COL19A1: variants seen among roughly 807,000 people sequenced by gnomAD.
COL19A1 encodes the protein collagen alpha-1(XIX) chain.
Under a neutral mutation model 190.2 loss-of-function variants are expected in COL19A1, and 159 were observed. The observed-to-expected ratio is 0.84, with a 90% CI of 0.73 to 0.95. The LOEUF (loss-of-function observed/expected upper bound fraction) is 0.95, where lower values mean the gene tolerates loss of function less well. Among genes scored for constraint, COL19A1 ranks in the 40% least tolerant of loss-of-function variants. The pLI, the probability that COL19A1 is intolerant of heterozygous loss-of-function variation, is 0.00. For synonymous variants in COL19A1, 509 were observed against 458.9 expected, an observed-to-expected ratio of 1.11 and a Z score of -1.39; for missense variants, 1,418 against 1,431.9, an observed-to-expected ratio of 0.99 and a Z score of 0.16.
chr6:70,117,156 G>A (rs543496679), intron 16 of COL19A1, among the ~76,000 whole-genome samples: 90 of 152,296 alleles, frequency 5.9e-4, no homozygotes, highest in African/African-American at 2.1e-3. Context: ...TGCTAAAGCT[G>A]GATCAGAAGG....
intron 2 of COL19A1, among the ~76,000 whole-genome samples, chr6:69,881,582 G>A (rs756837216): frequency 2.6e-5 from 4 of 152,180 alleles, no homozygotes; most frequent in South Asian, 2.1e-4. Flanking sequence ...GTTACATGAT[G>A]TATAGGACTA....
chr6:69,921,293 T>TATATATC (rs1249461722), intron 4 of COL19A1, among the ~76,000 whole-genome samples: 9 of 131,278 alleles, frequency 6.9e-5, no homozygotes, highest in African/African-American at 1.4e-4. Context: ...TCATATATCA[T>TATATATC]ATATATCATA....
At chr6:70,185,005 T>A in intron 46 of COL19A1, 90 bp downstream of exon 46, 1 of 1,204,422 alleles carries the variant, frequency 8.3e-7, no homozygotes. Context: ...TGTAGACCCC[T>A]GCAAATCACC....
At chr6:69,921,631 C>T (rs997572984) in intron 4 of COL19A1, among the ~76,000 whole-genome samples, 4 of 142,378 alleles carry the variant, frequency 2.8e-5, no homozygotes, top group Non-Finnish European at 4.5e-5. Context: ...TATATAGATT[C>T]GTATATATTC....
Position 70,199,625 on chromosome 6 carries a change from C to G in COL19A1, c.3112C>G (p.Leu1038Val), listed in dbSNP as rs1767422164. 1 of 1,598,892 alleles carries G rather than the reference C, an allele frequency of 6.3e-7. No individual in the cohort carries two copies. Among genetic ancestry groups the G allele is most frequent in the Non-Finnish European group, 8.5e-7 (1 of 1,171,310 alleles). Residue 1038 changes from leucine to valine, a missense_variant, in exon 49 of 51, where the codon CTA (leucine) becomes GTA (valine). Transcript: ENST00000620364. ...ACATGAAGAGAGGATGGCTGTATTC[C>G]TATCCCAGCTCAAGCTGCCAGCAGC... The part of the protein sequence containing the change: ...RIFEERMAVF[L>V]SQLKLPAAML...
intron 27 of COL19A1, among the ~76,000 whole-genome samples, chr6:70,147,963 T>G (rs748967254): frequency 2.7e-4 from 41 of 152,140 alleles, no homozygotes; most frequent in Non-Finnish European, 5.4e-4. Flanking sequence ...AAGGATATGA[T>G]AAACGATACA....
chr6:70,207,382 T>C lies in COL19A1; in HGVS notation c.*108T>C. ...TGGGTTGCTTTTTTTTTTTTTTTTTTTTTTTGGGAGTAAGCCAGGCATTAA... is the reference window on the plus strand; with the variant it reads ...TGGGTTGCTTTTTTTTTTTTTTTTTCTTTTTGGGAGTAAGCCAGGCATTAA... On this transcript the variant is annotated 3_prime_UTR_variant, in exon 51 of 51. Transcript: ENST00000620364. 2.5e-6 allele frequency: 3 copies of C among 1,184,294 alleles called. No homozygotes were observed. Among genetic ancestry groups the C allele is most frequent in the Non-Finnish European group, 3.3e-6 (3 of 898,300 alleles). 73.4% of individuals were successfully genotyped at this position (1,184,294 alleles called of 1,614,324 possible). A position where few individuals can be genotyped will look rare whatever the true frequency, so the allele number is the denominator to read the frequency against.
intron 4 of COL19A1, among the ~76,000 whole-genome samples, chr6:69,921,345 T>C (rs1771786802): frequency 7.7e-6 from 1 of 130,280 alleles, no homozygotes; most frequent in East Asian, 2.2e-4. Flanking sequence ...TCTATATATA[T>C]CATATATCAT....
rs547983446 is a variant in COL19A1 at position 70,082,753 on chromosome 6, C to T, written c.1224+14277C>T. Among the ~76,000 whole-genome samples, 132 of 152,108 alleles carry T rather than the reference C, an allele frequency of 8.7e-4. 3 individuals are homozygous for T. Among genetic ancestry groups the T allele is most frequent in the Non-Finnish European group, 2.5e-4 (17 of 68,038 alleles). ...AAAGTTATCCTCTAAAACAATGATC[C>T]CCAACCTTTTTTGGCACCAGGGATG... On this transcript the variant is annotated intron_variant, in intron 15 of 50. Transcript: ENST00000620364.
intron 14 of COL19A1, among the ~76,000 whole-genome samples, chr6:70,045,484 G>A (rs1779860575): frequency 6.6e-6 from 1 of 152,032 alleles, no homozygotes; most frequent in Admixed American, 6.6e-5. Context: ...TAAGTTACAG[G>A]AACTCTGAAT....
At chr6:70,077,643 C>G (rs1781955731) in intron 15 of COL19A1, among the ~76,000 whole-genome samples, 1 of 151,982 alleles carries the variant, frequency 6.6e-6, no homozygotes, top group Admixed American at 6.6e-5. Context: ...ATTTTTGGCT[C>G]TCAAATCACT....
At chr6:70,059,050 A>T (rs538927776) in intron 14 of COL19A1, among the ~76,000 whole-genome samples, 1 of 152,220 alleles carries the variant, frequency 6.6e-6, no homozygotes, top group South Asian at 2.1e-4. Flanking sequence ...AAACAGATAA[A>T]TTCTGTTTTC....
At chr6:70,108,278 C>A (rs2150195424) in intron 16 of COL19A1, among the ~76,000 whole-genome samples, 1 of 152,222 alleles carries the variant, frequency 6.6e-6, no homozygotes, top group Non-Finnish European at 1.5e-5. Flanking sequence ...ACAGGCAAGA[C>A]TTTTTATTTT....
At chr6:69,977,127 G>A (rs917689758) in intron 11 of COL19A1, among the ~76,000 whole-genome samples, 3 of 152,038 alleles carry the variant, frequency 2.0e-5, no homozygotes, top group East Asian at 1.9e-4. Context: ...TGTTTATTGC[G>A]GCACTATTCA....
chr6:70,079,599 C>G (rs1477354396), intron 15 of COL19A1, among the ~76,000 whole-genome samples: 1 of 152,136 alleles, frequency 6.6e-6, no homozygotes, highest in Non-Finnish European at 1.5e-5. Context: ...AGGGAGGAGA[C>G]TGCGAACTGA....
intron 11 of COL19A1, among the ~76,000 whole-genome samples, chr6:69,969,438 C>T (rs974011618): frequency 2.6e-5 from 4 of 152,174 alleles, no homozygotes; most frequent in South Asian, 2.1e-4. Context: ...ATCTTATCTA[C>T]GTTCATTCAT....
At chr6:70,038,191 TG>T (rs1184533285) in intron 14 of COL19A1, among the ~76,000 whole-genome samples, 1 of 152,226 alleles carries the variant, frequency 6.6e-6, no homozygotes, top group Non-Finnish European at 1.5e-5. Flanking sequence ...AGTGATATAT[TG>T]GAGTCAATAA....
chr6:69,957,074 G>A (rs1774466588), intron 9 of COL19A1, among the ~76,000 whole-genome samples: 1 of 151,886 alleles, frequency 6.6e-6, no homozygotes, highest in African/African-American at 2.4e-5. Flanking sequence ...TTTATACTGG[G>A]TTTGCAAACT....
In COL19A1 at chr6:69,907,107, A is replaced by AT. The variant is rs56927758; in HGVS notation, c.266+6790dup. Among the ~76,000 whole-genome samples the AT allele has an allele frequency of 7.0e-3, 903 of 129,372 alleles. 13 individuals are homozygous for AT. The highest frequency in any genetic ancestry group is 0.033 in the East Asian group (143 of 4,274). The allele number at this position is 129,372 out of a possible 152,430, so 84.9% of individuals were successfully genotyped here. A position where few individuals can be genotyped will look rare whatever the true frequency, so the allele number is the denominator to read the frequency against. On this transcript the variant is annotated intron_variant, in intron 4 of 50. Transcript: ENST00000620364. ...CTATCTTCAGATTATTATTATTATT[A>AT]TTTTTTTTTTTTTTTTTTTTTGAGA...
Sources: gnomAD v4.1 joint callset for allele counts (sites outside exome capture counted in the v4.1 genomes callset) on GRCh38, gnomAD v4.1.1 for gene constraint, MANE v1.5 for transcripts, NCBI Gene and HGNC (gene_info 2026-07-23, HGNC 2026-07-21) for gene names.